The following NBPF12 variants were observed in gnomAD, a reference collection of about 807,000 sequenced individuals.
The protein encoded by NBPF12 is NBPF member 12.
In NBPF12, 115 loss-of-function variants were observed where a neutral mutation model predicts 146.4. The ratio of observed to expected loss-of-function variants is 0.79; its 90% CI spans 0.68 to 0.92. The LOEUF is 0.92. NBPF12 is among the 40% of genes least tolerant of loss of function. The probability of loss-of-function intolerance (pLI) is 0.00; values close to 1 mark genes in which losing one functional copy is unlikely to be tolerated. For missense variants in NBPF12, 1,205 were observed against 1,326.8 expected, an observed-to-expected ratio of 0.91 and a Z score of 1.43; for synonymous variants, 385 against 508.9, an observed-to-expected ratio of 0.76 and a Z score of 3.28.
rs1302255620 is a variant in NBPF12, at chr1:146,970,606, G to T, written c.1307-41G>T. 2.8e-5 allele frequency: 44 copies of T among 1,568,818 alleles called. 1 individual carries two copies. The highest frequency in any genetic ancestry group is 3.2e-5 in the Non-Finnish European group (37 of 1,143,042). The stretch of plus-strand genomic sequence containing the variant: ...GTTGGGCTGACTGTGCTTGCAGAAT[G>T]TGAAGTGGAAAATATCTGAACGAAC... On this transcript the variant is annotated intron_variant, in intron 11 of 33. Coordinates refer to ENST00000617844, the Ensembl canonical transcript of NBPF12.
At chr1:146,965,143 G>C in intron 8 of NBPF12, 39 bp downstream of exon 11, 2 of 1,125,188 alleles carry the variant, frequency 1.8e-6, no homozygotes, top group Admixed American at 3.4e-5. Context: ...CCTCTGTCTA[G>C]GCTATGGAAG....
intron 19 of NBPF12, among the ~76,000 whole-genome samples, chr1:146,980,543 G>T (rs1657307166): frequency 1.3e-5 from 2 of 151,636 alleles, no homozygotes; most frequent in East Asian, 1.9e-4. Flanking sequence ...TTGCTTCTCT[G>T]TAAAGGATTT....
At chr1:146,963,445 C>T (rs1655992019) in intron 6 of NBPF12, 136 bp downstream of exon 9, 2 of 1,578,704 alleles carry the variant, frequency 1.3e-6, no homozygotes, top group Non-Finnish European at 8.7e-7. Flanking sequence ...ATGATCAGGA[C>T]TTCCTGGGTA....
intron 9 of NBPF12, among the ~76,000 whole-genome samples, chr1:146,967,868 G>C (rs1257922538): frequency 0.3 from 44,085 of 145,032 alleles, 7,634 homozygotes; most frequent in Admixed American, 0.42. Flanking sequence ...TAAATTAACA[G>C]AAACTTCATT....
chr1:146,956,158 AACAT>A (rs1655577758), intron 2 of NBPF12, among the ~76,000 whole-genome samples: 2 of 151,786 alleles, frequency 1.3e-5, no homozygotes, highest in Non-Finnish European at 2.9e-5. Flanking sequence ...TGAAAGTACA[AACAT>A]ACATGGTATA....
Position 146,966,949 on chromosome 1 carries a change from A to G in NBPF12, c.988+276A>G, listed in dbSNP as rs1486453400. 6.0e-5 allele frequency among the ~76,000 whole-genome samples: 9 copies of G among 150,644 alleles called. 2 individuals carry two copies. Among genetic ancestry groups the G allele is most frequent in the African/African-American group, 2.2e-4 (9 of 40,080 alleles). On this transcript the variant is annotated intron_variant, in intron 9 of 33. Transcript: ENST00000617844. ...CACAGAATGACCTGTTTTCTCCAAG[A>G]GGCTCAATCGTGTTTTCAAGAATCC...
intron 2 of NBPF12, among the ~76,000 whole-genome samples, chr1:146,953,285 GTAA>G (rs1321887173): frequency 1.4e-5 from 2 of 139,350 alleles, no homozygotes; most frequent in African/African-American, 5.6e-5. Flanking sequence ...GTCAACTTAT[GTAA>G]TAATTAGAAA....
At chr1:146,956,192 C>G (rs1655579141) in intron 2 of NBPF12, among the ~76,000 whole-genome samples, 2 of 151,590 alleles carry the variant, frequency 1.3e-5, no homozygotes, top group African/African-American at 4.9e-5. Flanking sequence ...AGGAATACTA[C>G]TCAGTCTTTA....
chr1:146,981,292 A>ATATATATATATAT (rs1182919966), intron 19 of NBPF12, among the ~76,000 whole-genome samples: 6 of 104,130 alleles, frequency 5.8e-5, no homozygotes, highest in African/African-American at 2.4e-4. Flanking sequence ...AAAAAAAAAA[A>ATATATATATATAT]AAATATATAT....
intron 8 of NBPF12, among the ~76,000 whole-genome samples, chr1:146,965,480 T>G (rs1244569900): frequency 1.3e-5 from 2 of 151,074 alleles, no homozygotes; most frequent in East Asian, 3.9e-4. Context: ...CATTGGCTTG[T>G]CTTAGCTATT....
At chr1:146,963,731 A>G (rs1489292364) in intron 6 of NBPF12, among the ~76,000 whole-genome samples, 21 of 150,254 alleles carry the variant, frequency 1.4e-4, no homozygotes, top group Non-Finnish European at 3.1e-4. Flanking sequence ...AAGGCAGACA[A>G]ATTGTTTCTT....
At chr1:146,964,406 A>T in exon 7 of NBPF12, 1 of 1,601,962 alleles carries the variant, frequency 6.2e-7, no homozygotes, top group Non-Finnish European at 8.5e-7. Flanking sequence ...AGGATGAGAA[A>T]GTACTGGAAT....
At chr1:146,961,653 C>T (rs1285415334) in intron 4 of NBPF12, among the ~76,000 whole-genome samples, 3 of 152,138 alleles carry the variant, frequency 2.0e-5, no homozygotes, top group Admixed American at 1.3e-4. Context: ...CTTTATGCTT[C>T]AGATATGATT....
intron 2 of NBPF12, among the ~76,000 whole-genome samples, chr1:146,956,062 G>C (rs1308187016): frequency 6.6e-6 from 1 of 151,490 alleles, no homozygotes; most frequent in Non-Finnish European, 1.5e-5. Flanking sequence ...CTGTGTTAGT[G>C]AGACCTGGCC....
At chr1:146,964,399 A>G in exon 7 of NBPF12, 2 of 1,592,434 alleles carry the variant, frequency 1.3e-6, no homozygotes, top group South Asian at 1.1e-5. Context: ...GTTGAGGAGG[A>G]TGAGAAAGTA....
At position 146,951,480 on chromosome 1, in the gene NBPF12, A is replaced by G. The variant is rs1338077051; in HGVS notation, c.-193A>G. The G allele has an allele frequency of 1.1e-5, 7 of 652,960 alleles. No homozygotes were observed. Among genetic ancestry groups the G allele is most frequent in the South Asian group, 5.3e-5 (3 of 56,600 alleles). The allele number at this position is 652,960 out of a possible 1,614,324, so 40.4% of individuals were successfully genotyped here. A position where few individuals can be genotyped will look rare whatever the true frequency, so the allele number is the denominator to read the frequency against. On this transcript the variant is annotated 5_prime_UTR_variant, in exon 2 of 34. An upstream start codon of the reference 5' UTR is lost. Transcript: ENST00000617844. ...GCCAGTTGGGATCAAATGTGAGCCTATGGATCAAGGTGCGTACTCAAACAC... is the reference window on the plus strand; with the variant it reads ...GCCAGTTGGGATCAAATGTGAGCCTGTGGATCAAGGTGCGTACTCAAACAC...
chr1:146,954,901 G>A (rs1479617921), intron 2 of NBPF12, among the ~76,000 whole-genome samples: 4 of 35,278 alleles, frequency 1.1e-4, no homozygotes, highest in East Asian at 2.2e-3. Context: ...ACACACAAAC[G>A]TGTGTGTGTG....
exon 34 of NBPF12, chr1:146,994,453 G>T (rs1251873357): frequency 1.2e-6 from 2 of 1,611,776 alleles, no homozygotes; most frequent in Non-Finnish European, 1.7e-6. Flanking sequence ...CTACAGAAGT[G>T]TGTTTTACTC....
exon 34 of NBPF12, chr1:146,994,511 T>G: frequency 6.2e-7 from 1 of 1,609,438 alleles, no homozygotes. Context: ...GACAATAGCT[T>G]TTTTACTTTG....
Sources: gnomAD v4.1 joint callset for allele counts (sites outside exome capture counted in the v4.1 genomes callset) on GRCh38, gnomAD v4.1.1 for gene constraint, MANE v1.5 for transcripts, NCBI Gene and HGNC (gene_info 2026-07-23, HGNC 2026-07-21) for gene names.